The following RASGRP2 variants were observed in gnomAD, a reference collection of about 807,000 sequenced individuals.
RASGRP2 encodes RAS guanyl releasing protein 2.
Under a neutral mutation model 71.0 loss-of-function variants are expected in RASGRP2, and 44 were observed. The ratio of observed to expected loss-of-function variants is 0.62; its 90% CI spans 0.49 to 0.80. The LOEUF (loss-of-function observed/expected upper bound fraction) is 0.80. Ranked by LOEUF, RASGRP2 falls within the 30% of genes least tolerant of loss-of-function variation. The pLI is 0.00. For synonymous variants in RASGRP2, 350 were observed against 330.7 expected, an observed-to-expected ratio of 1.06 and a Z score of -0.63; for missense variants, 663 against 813.4, an observed-to-expected ratio of 0.82 and a Z score of 2.25.
intron 12 of RASGRP2, among the ~76,000 whole-genome samples, chr11:64,731,604 A>G (rs1051363203): frequency 4.6e-5 from 7 of 152,240 alleles, no homozygotes; most frequent in Non-Finnish European, 8.8e-5. Flanking sequence ...TCAATGAGAA[A>G]AAGACCAACA....
At chr11:64,729,962 A>C (rs2057707949) in intron 13 of RASGRP2, 91 bp downstream of exon 13, 2 of 1,502,626 alleles carry the variant, frequency 1.3e-6, no homozygotes, top group African/African-American at 2.8e-5. Flanking sequence ...TGGCTTGAGA[A>C]GGGCTCTGGC....
intron 15 of RASGRP2, 69 bp from the exon 16 acceptor site, chr11:64,727,429 C>A (rs536469184): frequency 2.8e-6 from 4 of 1,448,210 alleles, no homozygotes; most frequent in Non-Finnish European, 3.9e-6. Flanking sequence ...CTTCCCCTCT[C>A]CACGGGAGGC....
At position 64,741,630 on chromosome 11, in the gene RASGRP2, G is replaced by A. The variant is rs891834079; in HGVS notation, c.177-129C>T. 4.6e-6 allele frequency: 4 copies of A among 868,964 alleles called. No individual in the cohort carries two copies. In the African/African-American group the frequency reaches 6.7e-5, roughly 15 times the overall value. The allele number at this position is 868,964 out of a possible 1,614,324, so 53.8% of individuals were successfully genotyped here. ...GGGCTTGCGCTCTGCGGAGATGCTGGGGGTGAGGCTTGAGCTCTGGGAGGG... is the reference window on the plus strand; with the variant it reads ...GGGCTTGCGCTCTGCGGAGATGCTGAGGGTGAGGCTTGAGCTCTGGGAGGG... On this transcript the variant is annotated intron_variant, in intron 3 of 16. Coordinates refer to ENST00000394432, the MANE Select transcript of RASGRP2 (RefSeq NM_001098671.2).
rs200117326 is a variant in RASGRP2 at position 64,730,104 on chromosome 11, G to T, written c.1503C>A (p.Phe501Leu). The change falls in exon 13 of 17, where the codon TTC (phenylalanine) becomes TTA (leucine). Residue 501 changes from phenylalanine (F) to leucine (L), a missense_variant. Physicochemically the swap from Phe to Leu is conservative, Grantham distance 22 (BLOSUM62 0). Coordinates refer to ENST00000394432, the MANE Select transcript of RASGRP2 (RefSeq NM_001098671.2). ...CGGGGCGCAAGGAGTTGCTCTCCTGGAAGTTGTGTACGAAGCCCATGCGCC... is the reference window on the plus strand; with the variant it reads ...CGGGGCGCAAGGAGTTGCTCTCCTGTAAGTTGTGTACGAAGCCCATGCGCC... ...LGGRMGFVHN[F>L]QESNSLRPVA... 298 of 1,550,790 alleles carry T rather than the reference G, an allele frequency of 1.9e-4. No homozygotes were observed. Among genetic ancestry groups the T allele is most frequent in the Non-Finnish European group, 1.9e-4 (214 of 1,147,148 alleles).
At chr11:64,737,695 A>G (rs1345198919) in intron 8 of RASGRP2, among the ~76,000 whole-genome samples, 3 of 134,160 alleles carry the variant, frequency 2.2e-5, no homozygotes, top group Non-Finnish European at 5.0e-5. Flanking sequence ...AAAAAAAAAA[A>G]GAAAGAAAAA....
intron 12 of RASGRP2, among the ~76,000 whole-genome samples, chr11:64,733,120 G>T (rs1417599912): frequency 1.3e-5 from 2 of 151,098 alleles, no homozygotes; most frequent in Non-Finnish European, 2.9e-5. Context: ...GTGAGACTCT[G>T]TCTCAAAAAA....
chr11:64,744,225 T>C (rs1021164889), upstream of RASGRP2: 1 of 985,738 alleles, frequency 1.0e-6, no homozygotes, highest in African/African-American at 1.7e-5. Context: ...CCCTCCCATT[T>C]GCGGTGCAGG....
chr11:64,730,330 C>T (rs1280223892), intron 12 of RASGRP2, 136 bp from the exon 13 acceptor site: 9 of 1,105,990 alleles, frequency 8.1e-6, no homozygotes, highest in Admixed American at 2.1e-5. Flanking sequence ...AAAGAAAAGG[C>T]GGCACTGGAC....
chr11:64,742,692 G>A lies in RASGRP2; in HGVS notation c.73+102C>T. 1 of 1,483,058 alleles carries A rather than the reference G, an allele frequency of 6.7e-7. No homozygotes were observed. The highest frequency in any genetic ancestry group is 2.5e-5 in the East Asian group (1 of 40,712). The allele number at this position is 1,483,058 out of a possible 1,614,324, so 91.9% of individuals were successfully genotyped here. A position where few individuals can be genotyped will look rare whatever the true frequency, so the allele number is the denominator to read the frequency against. On this transcript the variant is annotated intron_variant, in intron 2 of 16. Transcript: ENST00000394432. The surrounding 1 kb of genome is among the most constrained non-coding windows in gnomAD (Gnocchi z 4.7). ...GACTGCACGCTGCGGAGCAGGGTGG[G>A]TCCGGGTCAGGGCTGTGCCCTGGAC... is the stretch of plus-strand genomic sequence containing the variant.
In RASGRP2 at chr11:64,735,883, AGGAG is replaced by A. The variant is rs773576989; in HGVS notation, c.1173+16_1173+19del. 6.2e-7 allele frequency: 1 copy of A among 1,606,038 alleles called. No homozygotes were observed. The highest frequency in any genetic ancestry group is 1.1e-5 in the South Asian group (1 of 90,584). On this transcript the variant is annotated intron_variant, in intron 10 of 16. Coordinates refer to ENST00000394432, the MANE Select transcript of RASGRP2 (RefSeq NM_001098671.2). This position sits in a 1 kb window ranked among gnomAD's most constrained non-coding sequence, Gnocchi z 4.2. ...CTCAGGAGGGAAGGGCAGAGTGGAG[AGGAG>A]GGAGTACCCCCTCACCGAGGACTTG...
chr11:64,735,814 G>C lies in RASGRP2; in HGVS notation c.1173+89C>G. 1 of 1,484,440 alleles carries C rather than the reference G, an allele frequency of 6.7e-7. No individual in the cohort carries two copies. Among genetic ancestry groups the C allele is most frequent in the Non-Finnish European group, 9.2e-7 (1 of 1,081,090 alleles). The allele number at this position is 1,484,440 out of a possible 1,614,324, so 92.0% of individuals were successfully genotyped here. A position where few individuals can be genotyped will look rare whatever the true frequency, so the allele number is the denominator to read the frequency against. On this transcript the variant is annotated intron_variant, in intron 10 of 16. Transcript: ENST00000394432. This position sits in a 1 kb window ranked among gnomAD's most constrained non-coding sequence, Gnocchi z 4.2. Reference sequence around the variant, plus strand: ...CCTCTGTCCTACAAGATGGATGGGTGAGGTGGCTGCTAAGAGCTCTTCCCA... The same window carrying C: ...CCTCTGTCCTACAAGATGGATGGGTCAGGTGGCTGCTAAGAGCTCTTCCCA...
Sources: allele counts gnomAD v4.1 joint callset (sites outside exome capture counted in the v4.1 genomes callset), GRCh38; gene constraint gnomAD v4.1.1; non-coding constraint Gnocchi (gnomAD v3.1); transcripts MANE v1.5; gene names NCBI Gene and HGNC (gene_info 2026-07-23, HGNC 2026-07-21).